Variants in LRP1B observed in about 807,000 individuals in gnomAD.
LRP1B encodes the protein LDL receptor related protein 1B.
A neutral mutation model predicts 556.6 loss-of-function variants in LRP1B; 217 were observed. The observed-to-expected ratio is 0.39, with a 90% confidence interval of 0.35 to 0.44. The LOEUF is 0.44. Ranked by LOEUF, LRP1B falls within the 20% of genes least tolerant of loss-of-function variation. The pLI is 1.00. For missense variants in LRP1B, 5,053 were observed against 5,620.8 expected (o/e 0.90, Z 3.23); for synonymous variants, 2,047 against 1,865.8 (o/e 1.10, Z -2.50).
intron 7 of LRP1B, among the ~76,000 whole-genome samples, chr2:141,109,839 C>T (rs1700703694): frequency 6.6e-6 from 1 of 152,154 alleles, no homozygotes; most frequent in Non-Finnish European, 1.5e-5. Flanking sequence ...TAAACCCTGT[C>T]AGCTTTGATA....
intron 7 of LRP1B, among the ~76,000 whole-genome samples, chr2:141,145,976 G>C (rs917502812): frequency 5.5e-5 from 7 of 127,978 alleles, no homozygotes; most frequent in African/African-American, 1.8e-4. Flanking sequence ...CCAGGCTGGA[G>C]TGTAGTGGTG....
At chr2:140,242,670 G>A (rs1680998012) in intron 87 of LRP1B, among the ~76,000 whole-genome samples, 2 of 151,044 alleles carry the variant, frequency 1.3e-5, no homozygotes, top group Non-Finnish European at 3.0e-5. Flanking sequence ...TAGATCTGGG[G>A]TGGAAGGAGA....
intron 21 of LRP1B, among the ~76,000 whole-genome samples, chr2:140,909,141 C>T (rs1057388394): frequency 3.3e-5 from 5 of 152,020 alleles, no homozygotes; most frequent in Admixed American, 6.6e-5. Context: ...TTCCTCCTTT[C>T]GAAACAGTCT....
intron 80 of LRP1B, among the ~76,000 whole-genome samples, chr2:140,325,248 A>T: frequency 6.6e-6 from 1 of 152,058 alleles, no homozygotes; most frequent in East Asian, 1.9e-4. Context: ...TGGGCATAAA[A>T]CCGGTATAGC....
intron 7 of LRP1B, among the ~76,000 whole-genome samples, chr2:141,169,220 A>G (rs1344795321): frequency 1.3e-5 from 2 of 151,650 alleles, no homozygotes; most frequent in East Asian, 2.0e-4. Context: ...TGGGAGGTGA[A>G]GGTTGCAGTG....
chr2:141,142,100 A>C (rs1370379434), intron 7 of LRP1B, among the ~76,000 whole-genome samples: 1 of 145,156 alleles, frequency 6.9e-6, no homozygotes, highest in South Asian at 2.2e-4. Context: ...AAAAAAAAAA[A>C]TCTATTCTTT....
At chr2:140,400,647 A>C (rs1055482693) in intron 66 of LRP1B, among the ~76,000 whole-genome samples, 2 of 152,188 alleles carry the variant, frequency 1.3e-5, no homozygotes, top group African/African-American at 4.8e-5. Flanking sequence ...TCCACTTGGA[A>C]GGAGAGAATA....
chr2:141,949,156 T>C (rs571218171), intron 1 of LRP1B, among the ~76,000 whole-genome samples: 1 of 152,280 alleles, frequency 6.6e-6, no homozygotes, highest in Non-Finnish European at 1.5e-5. Context: ...ATCAAATAGA[T>C]ATTGGTATCT....
intron 3 of LRP1B, among the ~76,000 whole-genome samples, chr2:141,338,499 C>G (rs1687931951): frequency 6.6e-6 from 1 of 152,126 alleles, no homozygotes; most frequent in African/African-American, 2.4e-5. Flanking sequence ...TTCATTAGCA[C>G]TTTGATTTAC....
At chr2:140,506,475 C>T (rs1689417297) in intron 53 of LRP1B, among the ~76,000 whole-genome samples, 2 of 151,998 alleles carry the variant, frequency 1.3e-5, no homozygotes, top group African/African-American at 4.8e-5. Flanking sequence ...AACTCCTGAC[C>T]TCAGGTGATC....
At chr2:140,815,143 T>TA (rs556152392) in intron 31 of LRP1B, among the ~76,000 whole-genome samples, 4,784 of 140,996 alleles carry the variant, frequency 0.034, 96 homozygotes, top group South Asian at 0.11. Context: ...TTCCTTCCCT[T>TA]AAAAAAAAAA....
At chr2:140,253,540 G>A (rs1422858851) in intron 86 of LRP1B, among the ~76,000 whole-genome samples, 2 of 152,046 alleles carry the variant, frequency 1.3e-5, no homozygotes, top group African/African-American at 4.8e-5. Flanking sequence ...AGTTAGAAAT[G>A]TTTAAACATA....
At chr2:141,474,051 T>TC (rs1465108272) in intron 3 of LRP1B, among the ~76,000 whole-genome samples, 3,873 of 57,810 alleles carry the variant, frequency 0.067, 324 homozygotes, top group African/African-American at 0.18. Context: ...TTCCTTTCCT[T>TC]CCTTCCTCCC....
At chr2:140,707,799 T>G (rs1194009697) in intron 37 of LRP1B, among the ~76,000 whole-genome samples, 1 of 152,060 alleles carries the variant, frequency 6.6e-6, no homozygotes, top group African/African-American at 2.4e-5. Flanking sequence ...ATTTTTCAAG[T>G]CTTAAATATG....
chr2:141,619,726 G>A (rs1417669589), intron 2 of LRP1B, among the ~76,000 whole-genome samples: 1 of 152,156 alleles, frequency 6.6e-6, no homozygotes, highest in South Asian at 2.1e-4. Context: ...CACAAGATAA[G>A]ATTAGAGGAT....
At chr2:141,656,970 A>G (rs549249110) in intron 2 of LRP1B, among the ~76,000 whole-genome samples, 12 of 152,256 alleles carry the variant, frequency 7.9e-5, no homozygotes, top group Non-Finnish European at 1.6e-4. Context: ...CAGTTTACAC[A>G]AATATTACAC....
At chr2:141,010,590 C>A (rs1697712081) in intron 14 of LRP1B, among the ~76,000 whole-genome samples, 1 of 151,962 alleles carries the variant, frequency 6.6e-6, no homozygotes, top group South Asian at 2.1e-4. Context: ...TCTCGGCTCA[C>A]TGCAACCTCC....
chr2:140,538,568 TC>T (rs200226122), intron 45 of LRP1B, among the ~76,000 whole-genome samples: 19 of 137,662 alleles, frequency 1.4e-4, no homozygotes, highest in Admixed American at 8.7e-4. Flanking sequence ...AAGATATATT[TC>T]TTTTCTCTTG....
rs138394295 is a variant in LRP1B, at chr2:140,838,645, C to T, written c.5209+1346G>A. The stretch of plus-strand genomic sequence containing the variant: ...GCTTCATGATATATTGATTCTTTTC[C>T]CAGATTCAAAAAATGTATAGTATTC... On this transcript the variant is annotated intron_variant, in intron 31 of 90. Transcript: ENST00000389484. 5.7e-4 allele frequency among the ~76,000 whole-genome samples: 87 copies of T among 151,898 alleles called. 1 individual carries two copies. Among genetic ancestry groups the T allele is most frequent in the African/African-American group, 1.6e-3 (68 of 41,446 alleles).
Sources: gnomAD v4.1 joint callset for allele counts (sites outside exome capture counted in the v4.1 genomes callset) on GRCh38, gnomAD v4.1.1 for gene constraint, MANE v1.5 for transcripts, NCBI Gene and HGNC (gene_info 2026-07-23, HGNC 2026-07-21) for gene names.